Variants in PPM1G observed in about 807,000 individuals in gnomAD.
PPM1G encodes the protein protein phosphatase 1G.
A neutral mutation model predicts 59.4 loss-of-function variants in PPM1G; 12 were observed. That is an observed-to-expected ratio of 0.20 (90% CI 0.13 to 0.33). The LOEUF (loss-of-function observed/expected upper bound fraction) is 0.33. Among genes scored for constraint, PPM1G ranks in the 10% least tolerant of loss-of-function variants. The pLI is 1.00. For synonymous variants in PPM1G, 245 were observed against 251.9 expected (o/e 0.97, Z 0.26); for missense variants, 392 against 681.3 (o/e 0.58, Z 4.73).
rs933088873 is a variant in PPM1G, at chr2:27,381,311, A to T, written c.*288T>A. On this transcript the variant is annotated 3_prime_UTR_variant, in exon 10 of 10. Coordinates refer to ENST00000344034, the MANE Select transcript of PPM1G (RefSeq NM_177983.3). ...CAATAAAAAAGAATGTCCTTAAATA[A>T]AGTTCACAGAGTAAAAACCAGAACC... 1 of 493,458 alleles carries T rather than the reference A, an allele frequency of 2.0e-6. No individual in the cohort carries two copies. Among genetic ancestry groups the T allele is most frequent in the African/African-American group, 1.9e-5 (1 of 52,148 alleles). The allele number at this position is 493,458 out of a possible 1,614,324, so 30.6% of individuals were successfully genotyped here. A position where few individuals can be genotyped will look rare whatever the true frequency, so the allele number is the denominator to read the frequency against.
Position 27,384,124 on chromosome 2 carries a change from C to T in PPM1G, c.826-32G>A. 1 of 1,613,642 alleles carries T rather than the reference C, an allele frequency of 6.2e-7. No individual in the cohort carries two copies. Among genetic ancestry groups the T allele is most frequent in the East Asian group, 2.2e-5 (1 of 44,878 alleles). On this transcript the variant is annotated intron_variant, in intron 5 of 9. Transcript: ENST00000344034. The surrounding 1 kb of genome is among the most constrained non-coding windows in gnomAD (Gnocchi z 4.8). ...GGGGGAGGATCCCAGACTGCTGAGA[C>T]TGGGATGATCCCCTCCCTCCCCACA...
intron 1 of PPM1G, among the ~76,000 whole-genome samples, chr2:27,404,658 T>A (rs749747742): frequency 8.6e-5 from 13 of 151,860 alleles, no homozygotes; most frequent in Non-Finnish European, 1.6e-4. Context: ...CTACATCAAC[T>A]GATGGGCCAG....
chr2:27,387,993 T>A (rs926485364), intron 1 of PPM1G, among the ~76,000 whole-genome samples: 5 of 144,778 alleles, frequency 3.5e-5, no homozygotes, highest in African/African-American at 1.3e-4. Context: ...AGAGACGGGG[T>A]TTCACCTTGT....
intron 1 of PPM1G, among the ~76,000 whole-genome samples, chr2:27,406,485 C>A (rs1181911653): frequency 1.3e-5 from 2 of 152,174 alleles, no homozygotes; most frequent in Non-Finnish European, 2.9e-5. Flanking sequence ...CATATTTATT[C>A]AAACAAGGGC....
chr2:27,381,712 T>C lies in PPM1G; in HGVS notation c.1528A>G (p.Thr510Ala), dbSNP rs749551429. Residue 510 changes from threonine (T) to alanine (A), a missense_variant, in exon 10 of 10, where the codon ACA becomes GCA. Physicochemically the swap from Thr to Ala is moderately conservative, Grantham distance 58. Coordinates refer to ENST00000344034, the MANE Select transcript of PPM1G (RefSeq NM_177983.3). ...CCACTCTCTGGCTGGAGCTCTGCTG[T>C]GTTTCGGGGCTTGAAGCAAATGATG... is the stretch of plus-strand genomic sequence containing the variant. ...CIIICFKPRNTAELQPESGKR... is the reference protein window; with the variant it reads ...CIIICFKPRNAAELQPESGKR... 2 of 1,613,956 alleles carry C rather than the reference T, an allele frequency of 1.2e-6. No individual in the cohort carries two copies. Among genetic ancestry groups the C allele is most frequent in the Non-Finnish European group, 1.7e-6 (2 of 1,180,014 alleles).
In PPM1G at chr2:27,385,694, A is replaced by G. The variant is rs1683744254; in HGVS notation, c.409+53T>C. The G allele has an allele frequency of 6.3e-7, 1 of 1,579,848 alleles. No individual in the cohort carries two copies. Among genetic ancestry groups the G allele is most frequent in the Non-Finnish European group, 8.6e-7 (1 of 1,165,580 alleles). On this transcript the variant is annotated intron_variant, in intron 4 of 9. Transcript: ENST00000344034. This position sits in a 1 kb window ranked among gnomAD's most constrained non-coding sequence, Gnocchi z 4.1. ...TCTTAGAATTGATAAGTAATATTAA[A>G]GAATATTTCTTAAAATGCTGATTTC...
At position 27,384,589 on chromosome 2, in the gene PPM1G, G is replaced by A; in HGVS notation, c.825+84C>T. On this transcript the variant is annotated intron_variant, in intron 5 of 9. Coordinates refer to ENST00000344034, the MANE Select transcript of PPM1G (RefSeq NM_177983.3). The surrounding 1 kb of genome is among the most constrained non-coding windows in gnomAD (Gnocchi z 4.8). Reference sequence around the variant, plus strand: ...GGGGGATGATGTCAAAATAGGAGAAGGAAAGAGAGTTGAAAACTACAGACG... The same window carrying A: ...GGGGGATGATGTCAAAATAGGAGAAAGAAAGAGAGTTGAAAACTACAGACG... 6.8e-7 allele frequency: 1 copy of A among 1,459,968 alleles called. No homozygotes were observed. Among genetic ancestry groups the A allele is most frequent in the African/African-American group, 1.4e-5 (1 of 70,810 alleles). 90.4% of individuals were successfully genotyped at this position (1,459,968 alleles called of 1,614,324 possible).
Position 27,407,645 on chromosome 2 carries a change from G to T in PPM1G, c.120+1658C>A, listed in dbSNP as rs117823634. 2.2e-4 allele frequency among the ~76,000 whole-genome samples: 34 copies of T among 152,308 alleles called. No homozygotes were observed. The East Asian group carries it at 6.2e-3, about 28-fold the overall frequency. On this transcript the variant is annotated intron_variant, in intron 1 of 9. Coordinates refer to ENST00000344034, the MANE Select transcript of PPM1G (RefSeq NM_177983.3). ...GGTGAAATATGAATGCTATGCTTCA[G>T]TTTGACATAGATGATTAACAATGTC...
rs561584823 is a variant in PPM1G at position 27,381,477 on chromosome 2, G to A, written c.*122C>T. ...CCCTCTTTGGAATGGGCGGAGTGAA[G>A]CCACCCAGCTCCCCCTGCACACCTC... On this transcript the variant is annotated 3_prime_UTR_variant, in exon 10 of 10. Transcript: ENST00000344034. 32 of 1,146,500 alleles carry A rather than the reference G, an allele frequency of 2.8e-5. No individual in the cohort carries two copies. In the East Asian group the frequency reaches 3.8e-4, roughly 14 times the overall value. 71.0% of individuals were successfully genotyped at this position (1,146,500 alleles called of 1,614,324 possible). A position where few individuals can be genotyped will look rare whatever the true frequency, so the allele number is the denominator to read the frequency against.
intron 1 of PPM1G, among the ~76,000 whole-genome samples, chr2:27,396,546 G>C (rs1684058028): frequency 6.6e-6 from 1 of 151,958 alleles, no homozygotes; most frequent in Admixed American, 6.6e-5. Flanking sequence ...CGGGCGTGGT[G>C]GCTCATGCCT....
intron 2 of PPM1G, 152 bp from the exon 3 acceptor site, chr2:27,386,431 G>A (rs1249478761): frequency 5.8e-6 from 3 of 513,600 alleles, no homozygotes; most frequent in South Asian, 3.1e-5. Context: ...CACTGTTTGG[G>A]GAAGTTCTGA....
chr2:27,381,898 GT>G, intron 9 of PPM1G, 93 bp from the exon 10 acceptor site: 1 of 1,350,442 alleles, frequency 7.4e-7, no homozygotes, highest in Non-Finnish European at 1.0e-6. Context: ...CTGAGTCAGG[GT>G]GGTAGGAGAG....
chr2:27,385,962 TAA>T lies in PPM1G; in HGVS notation c.277-85_277-84del. The T allele has an allele frequency of 6.7e-7, 1 of 1,489,942 alleles. No homozygotes were observed. Among genetic ancestry groups the T allele is most frequent in the Non-Finnish European group, 9.0e-7 (1 of 1,109,170 alleles). 92.3% of individuals were successfully genotyped at this position (1,489,942 alleles called of 1,614,324 possible). A position where few individuals can be genotyped will look rare whatever the true frequency, so the allele number is the denominator to read the frequency against. On this transcript the variant is annotated intron_variant, in intron 3 of 9. Coordinates refer to ENST00000344034, the MANE Select transcript of PPM1G (RefSeq NM_177983.3). The surrounding 1 kb of genome is among the most constrained non-coding windows in gnomAD (Gnocchi z 4.1). ...CTGAGCACAAGGATGGAATACAAAT[TAA>T]GAGTGTGAGCCACCACACTAAGAGA...
At chr2:27,387,021 C>T in intron 2 of PPM1G, 68 bp downstream of exon 2, 2 of 1,237,528 alleles carry the variant, frequency 1.6e-6, no homozygotes, top group Non-Finnish European at 2.4e-6. Context: ...ACAAAGGGAC[C>T]TGTTCTTGCC....
rs531228925 is a variant in PPM1G, at chr2:27,388,791, C to A, written c.121-1633G>T. On this transcript the variant is annotated intron_variant, in intron 1 of 9. Transcript: ENST00000344034. ...TTGGGAGGCTGAGGCAGGAGAATGG[C>A]GTGAACCCAGGAGGCAGAGCCTGCA... 1.9e-3 allele frequency among the ~76,000 whole-genome samples: 271 copies of A among 141,930 alleles called. 2 individuals carry two copies. The highest frequency in any genetic ancestry group is 6.2e-3 in the African/African-American group (242 of 38,852). 93.1% of individuals were successfully genotyped at this position (141,930 alleles called of 152,430 possible). A position where few individuals can be genotyped will look rare whatever the true frequency, so the allele number is the denominator to read the frequency against.
Position 27,384,548 on chromosome 2 carries a change from G to C in PPM1G, c.825+125C>G. 1 of 1,198,430 alleles carries C rather than the reference G, an allele frequency of 8.3e-7. No individual in the cohort carries two copies. Among genetic ancestry groups the C allele is most frequent in the South Asian group, 1.5e-5 (1 of 67,556 alleles). The allele number at this position is 1,198,430 out of a possible 1,614,324, so 74.2% of individuals were successfully genotyped here. ...TCAATGAATTCAAGACTAAAGCTTA[G>C]AATACAGTGGGTCTTGGGGGATGAT... On this transcript the variant is annotated intron_variant, in intron 5 of 9. Transcript: ENST00000344034. The surrounding 1 kb of genome is among the most constrained non-coding windows in gnomAD (Gnocchi z 4.8).
intron 1 of PPM1G, among the ~76,000 whole-genome samples, chr2:27,399,263 T>C (rs772755777): frequency 6.6e-6 from 1 of 152,066 alleles, no homozygotes; most frequent in African/African-American, 2.4e-5. Flanking sequence ...CCAAAACACA[T>C]AAAGAACTCT....
At position 27,384,662 on chromosome 2, in the gene PPM1G, C is replaced by A; in HGVS notation, c.825+11G>T. ...CAACTTCAGCATCTGCCTGCCCTCACAGGCCCTTACCTCACTGTCTTCCTC... is the reference window on the plus strand; with the variant it reads ...CAACTTCAGCATCTGCCTGCCCTCAAAGGCCCTTACCTCACTGTCTTCCTC... On this transcript the variant is annotated intron_variant, in intron 5 of 9. Coordinates refer to ENST00000344034, the MANE Select transcript of PPM1G (RefSeq NM_177983.3). This position sits in a 1 kb window ranked among gnomAD's most constrained non-coding sequence, Gnocchi z 4.8. The A allele has an allele frequency of 6.3e-7, 1 of 1,589,160 alleles. No homozygotes were observed. Among genetic ancestry groups the A allele is most frequent in the Non-Finnish European group, 8.6e-7 (1 of 1,163,172 alleles).
chr2:27,397,987 T>C (rs942405433), intron 1 of PPM1G, among the ~76,000 whole-genome samples: 1 of 152,168 alleles, frequency 6.6e-6, no homozygotes, highest in African/African-American at 2.4e-5. Flanking sequence ...CCTGTAATAC[T>C]CCCCCAGTTG....
Sources: allele counts gnomAD v4.1 joint callset (sites outside exome capture counted in the v4.1 genomes callset), GRCh38; gene constraint gnomAD v4.1.1; non-coding constraint Gnocchi (gnomAD v3.1); transcripts MANE v1.5; gene names NCBI Gene and HGNC (gene_info 2026-07-23, HGNC 2026-07-21).